The following NXPH2 variants were observed in gnomAD, a reference collection of about 807,000 sequenced individuals.
The protein encoded by NXPH2 is neurexophilin-2.
A neutral mutation model predicts 19.8 loss-of-function variants in NXPH2; 5 were observed. That is an observed-to-expected ratio of 0.25 (90% confidence interval 0.13 to 0.53). The LOEUF (loss-of-function observed/expected upper bound fraction) is 0.53. Ranked by LOEUF, NXPH2 falls within the 20% of genes least tolerant of loss-of-function variation. The probability of loss-of-function intolerance (pLI) is 0.96; values close to 1 mark genes in which losing one functional copy is unlikely to be tolerated. For missense variants in NXPH2, 289 were observed against 322.8 expected (o/e 0.90, Z 0.80); for synonymous variants, 154 against 127.4 (o/e 1.21, Z -1.41).
intron 1 of NXPH2, 72 bp downstream of exon 1, chr2:138,780,119 C>G (rs1682328016): frequency 7.1e-7 from 1 of 1,413,828 alleles, no homozygotes; most frequent in South Asian, 1.4e-5. Context: ...GGCTCCAAGT[C>G]AGCCGCCTGC....
intron 1 of NXPH2, among the ~76,000 whole-genome samples, chr2:138,718,999 G>T (rs937369539): frequency 6.6e-6 from 1 of 152,156 alleles, no homozygotes; most frequent in Non-Finnish European, 1.5e-5. Flanking sequence ...AATGTAAATT[G>T]TAATGATAAC....
chr2:138,697,832 CTAAT>C (rs1192950152), intron 1 of NXPH2, among the ~76,000 whole-genome samples: 4 of 151,794 alleles, frequency 2.6e-5, no homozygotes, highest in African/African-American at 7.3e-5. Context: ...AACATTACTA[CTAAT>C]TAAGTACATA....
rs552154048 is a variant in NXPH2, at chr2:138,755,109, C to T, written c.51+25082G>A. 1.2e-4 allele frequency among the ~76,000 whole-genome samples: 18 copies of T among 152,180 alleles called. No individual in the cohort carries two copies. The East Asian group carries it at 3.3e-3, about 28-fold the overall frequency. On this transcript the variant is annotated intron_variant, in intron 1 of 1. Transcript: ENST00000272641. ...TATATGTTGCATACAAGTTCTTTAT[C>T]AGATATATATTCAGCATATATATCT...
chr2:138,754,228 A>C (rs1681867204), intron 1 of NXPH2, among the ~76,000 whole-genome samples: 1 of 152,180 alleles, frequency 6.6e-6, no homozygotes, highest in Admixed American at 6.5e-5. Context: ...CAGTCACCAC[A>C]CTGGAAAATT....
chr2:138,692,788 T>C (rs915989579), intron 1 of NXPH2, among the ~76,000 whole-genome samples: 1 of 152,144 alleles, frequency 6.6e-6, no homozygotes, highest in African/African-American at 2.4e-5. Context: ...ATTACATAAA[T>C]AGCAGAGGAT....
intron 1 of NXPH2, among the ~76,000 whole-genome samples, chr2:138,775,562 G>C (rs1682248062): frequency 2.0e-5 from 3 of 152,110 alleles, no homozygotes; most frequent in African/African-American, 4.8e-5. Flanking sequence ...TGACGAAATA[G>C]TGTTAGAAAA....
chr2:138,703,284 C>T (rs1337325416), intron 1 of NXPH2, among the ~76,000 whole-genome samples: 1 of 152,050 alleles, frequency 6.6e-6, no homozygotes, highest in Non-Finnish European at 1.5e-5. Context: ...ATATTAAAGC[C>T]ATACATACCC....
chr2:138,750,374 T>C (rs2104833242), intron 1 of NXPH2, among the ~76,000 whole-genome samples: 1 of 152,196 alleles, frequency 6.6e-6, no homozygotes, highest in East Asian at 1.9e-4. Flanking sequence ...AAATATACAC[T>C]GGGGCATAAG....
At position 138,780,176 on chromosome 2, in the gene NXPH2, G is replaced by A. The variant is rs546661435; in HGVS notation, c.51+15C>T. On this transcript the variant is annotated intron_variant, in intron 1 of 1. Transcript: ENST00000272641. Reference sequence around the variant, plus strand: ...GTCCCCGGCGTGTGGGACGGCGCGCGGGCCGGGCACTCACCAGCTGCAGCA... The same window carrying A: ...GTCCCCGGCGTGTGGGACGGCGCGCAGGCCGGGCACTCACCAGCTGCAGCA... The A allele has an allele frequency of 2.4e-5, 36 of 1,487,538 alleles. No homozygotes were observed. The African/African-American group carries it at 4.4e-4, about 18-fold the overall frequency. 92.1% of individuals were successfully genotyped at this position (1,487,538 alleles called of 1,614,324 possible).
intron 1 of NXPH2, among the ~76,000 whole-genome samples, chr2:138,702,102 T>C (rs1680932786): frequency 6.6e-6 from 1 of 152,100 alleles, no homozygotes; most frequent in South Asian, 2.1e-4. Flanking sequence ...TTTTTCCTCA[T>C]TTTCTTCTTC....
intron 1 of NXPH2, among the ~76,000 whole-genome samples, chr2:138,687,351 C>A (rs1331764433): frequency 9.9e-5 from 15 of 152,154 alleles, no homozygotes; most frequent in Non-Finnish European, 1.3e-4. Context: ...TAAATGTCTT[C>A]TTTTGAGAAG....
At chr2:138,707,100 A>AAAAAAAAAAAAAAAAAAAAAAC (rs1681028620) in intron 1 of NXPH2, among the ~76,000 whole-genome samples, 1 of 145,096 alleles carries the variant, frequency 6.9e-6, no homozygotes, top group Non-Finnish European at 1.5e-5. Flanking sequence ...ATGACAAAAA[A>AAAAAAAAAAAAAAAAAAAAAAC]AAAAAAAAAA....
intron 1 of NXPH2, among the ~76,000 whole-genome samples, chr2:138,684,989 C>T (rs1680627075): frequency 6.6e-6 from 1 of 152,196 alleles, no homozygotes; most frequent in Non-Finnish European, 1.5e-5. Context: ...ATCTCTATTC[C>T]TGGTCTCTGC....
chr2:138,709,824 CCATGTCTTTTCATGGTTTAAT>C (rs1681071634), intron 1 of NXPH2, among the ~76,000 whole-genome samples: 1 of 152,152 alleles, frequency 6.6e-6, no homozygotes, highest in African/African-American at 2.4e-5. Context: ...TAAAGTTTCT[CCATGTCTTTTCATGGTTTAAT>C]CATTTCTTTC....
intron 1 of NXPH2, among the ~76,000 whole-genome samples, chr2:138,731,277 G>A (rs1489167189): frequency 6.6e-6 from 1 of 152,008 alleles, no homozygotes; most frequent in Non-Finnish European, 1.5e-5. Context: ...GTATTGCTGT[G>A]TTCTTGTTAG....
chr2:138,687,833 A>G (rs1680684303), intron 1 of NXPH2, among the ~76,000 whole-genome samples: 1 of 152,158 alleles, frequency 6.6e-6, no homozygotes, highest in African/African-American at 2.4e-5. Context: ...AGGTTTGTCA[A>G]AGATCAGATG....
At chr2:138,738,985 A>G (rs1681602437) in intron 1 of NXPH2, among the ~76,000 whole-genome samples, 1 of 152,210 alleles carries the variant, frequency 6.6e-6, no homozygotes, top group Non-Finnish European at 1.5e-5. Context: ...CCAATAATTA[A>G]CGAAGTCCTG....
At chr2:138,699,617 G>C (rs1401778091) in intron 1 of NXPH2, among the ~76,000 whole-genome samples, 1 of 152,082 alleles carries the variant, frequency 6.6e-6, no homozygotes, top group Non-Finnish European at 1.5e-5. Flanking sequence ...AATGCAGGTA[G>C]CCTAAGGCGG....
intron 1 of NXPH2, among the ~76,000 whole-genome samples, chr2:138,769,658 AGCTTAGT>A (rs1682145915): frequency 6.6e-6 from 1 of 152,130 alleles, no homozygotes; most frequent in South Asian, 2.1e-4. Flanking sequence ...CCCACCACCC[AGCTTAGT>A]GCAGCAGGAT....
Sources: allele counts gnomAD v4.1 joint callset (sites outside exome capture counted in the v4.1 genomes callset), GRCh38; gene constraint gnomAD v4.1.1; transcripts MANE v1.5; gene names NCBI Gene and HGNC (gene_info 2026-07-23, HGNC 2026-07-21).